DNAH8: variants seen among roughly 807,000 people sequenced by gnomAD.
The protein encoded by DNAH8 is axonemal beta dynein heavy chain 8.
DNAH8 carries 382 observed loss-of-function variants against 562.1 expected under a neutral mutation model. That is an observed-to-expected ratio of 0.68 (90% CI 0.63 to 0.74). The LOEUF (loss-of-function observed/expected upper bound fraction) is 0.74, where lower values mean the gene tolerates loss of function less well. Among genes scored for constraint, DNAH8 ranks in the 30% least tolerant of loss-of-function variants. The pLI is 0.00. For synonymous variants in DNAH8, 1,881 were observed against 1,919.4 expected (o/e 0.98, Z 0.52); for missense variants, 5,203 against 5,620.4 (o/e 0.93, Z 2.37).
intron 60 of DNAH8, among the ~76,000 whole-genome samples, chr6:38,897,438 A>G (rs1349073458): frequency 6.6e-6 from 1 of 152,216 alleles, no homozygotes; most frequent in Non-Finnish European, 1.5e-5. Flanking sequence ...AAGACAGAAA[A>G]TATAACATAA....
chr6:38,824,425 C>A (rs183661230), intron 28 of DNAH8, among the ~76,000 whole-genome samples: 2 of 152,130 alleles, frequency 1.3e-5, no homozygotes, highest in African/African-American at 4.8e-5. Context: ...GGGCCTGGCA[C>A]TGATAGGGTT....
At chr6:38,803,386 A>G in intron 22 of DNAH8, 75 bp downstream of exon 22, 1 of 1,183,446 alleles carries the variant, frequency 8.4e-7, no homozygotes, top group Non-Finnish European at 1.2e-6. Context: ...TCTGCTTAGC[A>G]GGTACTGAAT....
chr6:38,864,341 G>T (rs1776878741), intron 45 of DNAH8, among the ~76,000 whole-genome samples: 1 of 152,148 alleles, frequency 6.6e-6, no homozygotes, highest in South Asian at 2.1e-4. Flanking sequence ...GTAAGGTGCA[G>T]GCTAAATGTT....
chr6:38,717,485 G>A (rs1014084401), intron 1 of DNAH8, among the ~76,000 whole-genome samples: 10 of 151,778 alleles, frequency 6.6e-5, no homozygotes, highest in Non-Finnish European at 1.2e-4. Flanking sequence ...CACCACGCCC[G>A]GCTAATTTTT....
At chr6:38,943,992 T>C (rs1783654716) in intron 79 of DNAH8, among the ~76,000 whole-genome samples, 1 of 152,124 alleles carries the variant, frequency 6.6e-6, no homozygotes, top group Non-Finnish European at 1.5e-5. Context: ...TTTGGGGGAA[T>C]AGGAAGGGCT....
At chr6:38,975,770 T>C (rs143479120) in intron 85 of DNAH8, among the ~76,000 whole-genome samples, 82 of 152,352 alleles carry the variant, frequency 5.4e-4, no homozygotes, top group Middle Eastern at 6.8e-3. Flanking sequence ...CCTTATCACA[T>C]CCTAATACAA....
chr6:38,729,990 A>G lies in DNAH8; in HGVS notation c.610+4A>G. ...GAAGGAGATGTACCTGGTATTGGTA[A>G]GAATTTTCTGAGGGCAGTGTGCCAG... is the stretch of plus-strand genomic sequence containing the variant. On this transcript the variant is annotated splice_donor_region_variant and intron_variant, in intron 4 of 92. Coordinates refer to ENST00000327475, the MANE Select transcript of DNAH8 (RefSeq NM_001206927.2). The G allele has an allele frequency of 6.6e-7, 1 of 1,516,358 alleles. No individual in the cohort carries two copies. The highest frequency in any genetic ancestry group is 9.1e-7 in the Non-Finnish European group (1 of 1,096,994). 93.9% of individuals were successfully genotyped at this position (1,516,358 alleles called of 1,614,324 possible).
intron 82 of DNAH8, among the ~76,000 whole-genome samples, chr6:38,965,683 T>A (rs1488400021): frequency 6.6e-6 from 1 of 152,160 alleles, no homozygotes; most frequent in African/African-American, 2.4e-5. Flanking sequence ...CAGCAACACT[T>A]CCTCCAATGT....
intron 69 of DNAH8, 25 bp from the exon 70 acceptor site, chr6:38,917,900 T>G (rs754477493): frequency 1.3e-6 from 2 of 1,546,682 alleles, no homozygotes; most frequent in South Asian, 2.4e-5. Context: ...TTCCAGAACT[T>G]ACAGGTTATA....
chr6:38,839,818 A>G (rs1285412851), intron 33 of DNAH8, among the ~76,000 whole-genome samples: 3 of 152,084 alleles, frequency 2.0e-5, no homozygotes, highest in Non-Finnish European at 2.9e-5. Flanking sequence ...ATGTGCCACC[A>G]TGCCCGGCTA....
chr6:38,761,057 T>G (rs1225421402), intron 10 of DNAH8, among the ~76,000 whole-genome samples: 1 of 146,034 alleles, frequency 6.8e-6, no homozygotes, highest in South Asian at 2.2e-4. Flanking sequence ...CTCACTCATT[T>G]GCTCTTCATT....
intron 82 of DNAH8, among the ~76,000 whole-genome samples, chr6:38,970,527 G>A (rs895630586): frequency 6.6e-6 from 1 of 152,116 alleles, no homozygotes; most frequent in African/African-American, 2.4e-5. Context: ...CTGTGACCCT[G>A]AGCCCACGAA....
intron 92 of DNAH8, 83 bp downstream of exon 92, chr6:39,026,750 G>C: frequency 6.8e-7 from 1 of 1,474,514 alleles, no homozygotes; most frequent in Non-Finnish European, 9.3e-7. Flanking sequence ...AGCTATGAGT[G>C]CCTTGGTTAG....
Position 38,884,037 on chromosome 6 carries a change from G to T in DNAH8, c.8259+39G>T, listed in dbSNP as rs766359887. 11 of 1,286,616 alleles carry T rather than the reference G, an allele frequency of 8.5e-6. No individual in the cohort carries two copies. The Admixed American group carries it at 2.9e-4, about 33-fold the overall frequency. The allele number at this position is 1,286,616 out of a possible 1,614,324, so 79.7% of individuals were successfully genotyped here. A position where few individuals can be genotyped will look rare whatever the true frequency, so the allele number is the denominator to read the frequency against. On this transcript the variant is annotated intron_variant, in intron 56 of 92. Transcript: ENST00000327475. ...ATCTCATATAGATGATCCTGAATTT[G>T]TATTTTTATGTATATATATTATATA...
At position 38,737,799 on chromosome 6, in the gene DNAH8, TC is replaced by T; in HGVS notation, c.953-8del. The T allele has an allele frequency of 2.1e-6, 3 of 1,396,344 alleles. No homozygotes were observed. The highest frequency in any genetic ancestry group is 2.8e-6 in the Non-Finnish European group (3 of 1,064,166). The allele number at this position is 1,396,344 out of a possible 1,614,324, so 86.5% of individuals were successfully genotyped here. On this transcript the variant is annotated splice_polypyrimidine_tract_variant and intron_variant, in intron 6 of 92. Coordinates refer to ENST00000327475, the MANE Select transcript of DNAH8 (RefSeq NM_001206927.2). The stretch of plus-strand genomic sequence containing the variant: ...AAATTAGTATTAAATGTCTTTTTTT[TC>T]CTTTTTAGGTGCTAGAATAAGTATT...
At chr6:38,950,601 G>A (rs1761829407) in intron 81 of DNAH8, among the ~76,000 whole-genome samples, 2 of 151,760 alleles carry the variant, frequency 1.3e-5, no homozygotes, top group Admixed American at 1.3e-4. Flanking sequence ...CACCACGCCC[G>A]GCTAATTTTT....
chr6:38,891,806 C>T (rs140834124), intron 58 of DNAH8, among the ~76,000 whole-genome samples: 1,894 of 152,316 alleles, frequency 0.012, 30 homozygotes, highest in South Asian at 0.041. Context: ...TTGCAGCTGT[C>T]TTCCATCAGT....
At chr6:38,886,399 A>G (rs147736342) in intron 56 of DNAH8, among the ~76,000 whole-genome samples, 1 of 152,370 alleles carries the variant, frequency 6.6e-6, no homozygotes, top group Non-Finnish European at 1.5e-5. Context: ...TTGAAAACTC[A>G]GGACAGAAAC....
chr6:38,947,223 G>A (rs1490722654), intron 80 of DNAH8, among the ~76,000 whole-genome samples: 1 of 152,224 alleles, frequency 6.6e-6, no homozygotes, highest in Non-Finnish European at 1.5e-5. Flanking sequence ...TGGGCCAGAA[G>A]TGGGGTGAGG....
Sources: gnomAD v4.1 joint callset for allele counts (sites outside exome capture counted in the v4.1 genomes callset) on GRCh38, gnomAD v4.1.1 for gene constraint, MANE v1.5 for transcripts, NCBI Gene and HGNC (gene_info 2026-07-23, HGNC 2026-07-21) for gene names.